BDP1: variants seen among roughly 807,000 people sequenced by gnomAD.
The protein encoded by BDP1 is BDP1 general transcription factor IIIB subunit, also known as transcription factor TFIIIB component B'' homolog.
BDP1 carries 169 observed loss-of-function variants against 266.6 expected under a neutral mutation model. The ratio of observed to expected loss-of-function variants is 0.63; its 90% confidence interval spans 0.56 to 0.72. The LOEUF (loss-of-function observed/expected upper bound fraction) is 0.72. Among genes scored for constraint, BDP1 ranks in the 30% least tolerant of loss-of-function variants. The probability of loss-of-function intolerance (pLI) is 0.00; values close to 1 mark genes in which losing one functional copy is unlikely to be tolerated. For missense variants in BDP1, 3,015 were observed against 3,053.8 expected (o/e 0.99, Z 0.30); for synonymous variants, 1,090 against 1,022.4 (o/e 1.07, Z -1.26).
intron 16 of BDP1, among the ~76,000 whole-genome samples, chr5:71,508,002 G>C (rs1452084121): frequency 6.6e-6 from 1 of 152,190 alleles, no homozygotes; most frequent in African/African-American, 2.4e-5. Context: ...GTCTTACTCT[G>C]TTGCCCAGGT....
At position 71,561,498 on chromosome 5, in the gene BDP1, A is replaced by G. The variant is rs553765215; in HGVS notation, c.7497-776A>G. Among the ~76,000 whole-genome samples the G allele has an allele frequency of 5.3e-5, 8 of 152,340 alleles. No individual in the cohort carries two copies. In the East Asian group the frequency reaches 1.3e-3, roughly 26 times the overall value. ...AACGGAAGTCAGCATTTTTTGTAAA[A>G]TGGCATTTGTATATATTTTAGGCTT... is the stretch of plus-strand genomic sequence containing the variant. On this transcript the variant is annotated intron_variant, in intron 37 of 38. Transcript: ENST00000358731.
intron 16 of BDP1, among the ~76,000 whole-genome samples, chr5:71,508,404 A>G (rs1036511624): frequency 6.6e-6 from 1 of 151,968 alleles, no homozygotes; most frequent in Non-Finnish European, 1.5e-5. Context: ...TCCTGGGCTC[A>G]GGTGATCCTC....
chr5:71,562,151 T>C (rs1743702517), intron 37 of BDP1, 123 bp from the exon 38 acceptor site: 8 of 897,890 alleles, frequency 8.9e-6, no homozygotes, highest in African/African-American at 1.9e-5. Context: ...TGAGCCGAGA[T>C]TGCGCCACTG....
chr5:71,484,359 T>C (rs1373581522), intron 8 of BDP1, among the ~76,000 whole-genome samples: 2 of 152,162 alleles, frequency 1.3e-5, no homozygotes, highest in Non-Finnish European at 2.9e-5. Flanking sequence ...CAGATGAGAA[T>C]CCTGCATTTA....
At chr5:71,546,549 CAG>C (rs919448376) in intron 32 of BDP1, among the ~76,000 whole-genome samples, 35 of 129,862 alleles carry the variant, frequency 2.7e-4, no homozygotes, top group Admixed American at 8.0e-4. Context: ...ACCCAGGAGA[CAG>C]AGGTTGCAGT....
intron 26 of BDP1, among the ~76,000 whole-genome samples, chr5:71,535,771 C>CA (rs1047207228): frequency 6.6e-6 from 1 of 152,136 alleles, no homozygotes; most frequent in Non-Finnish European, 1.5e-5. Flanking sequence ...CATGCAGCAG[C>CA]ATACTTCCAC....
Position 71,564,814 on chromosome 5 carries a change from C to G in BDP1, c.7804C>G (p.Gln2602Glu). ...TAAAAGTGCCCAAAAGCGGGCCCCTCAAGGGGAGGCAACCACAGTCTCTGA... is the reference window on the plus strand; with the variant it reads ...TAAAAGTGCCCAAAAGCGGGCCCCTGAAGGGGAGGCAACCACAGTCTCTGA... The part of the protein sequence containing the change: ...GYKSAQKRAP[Q>E]GEATTVSEYF... The change falls in exon 39 of 39, where the codon CAA (glutamine) becomes GAA (glutamate). Residue 2602 changes from glutamine (Q) to glutamate (E), a missense_variant. Transcript: ENST00000358731. The G allele has an allele frequency of 6.2e-7, 1 of 1,611,654 alleles. No homozygotes were observed. Among genetic ancestry groups the G allele is most frequent in the Non-Finnish European group, 8.5e-7 (1 of 1,179,686 alleles).
At chr5:71,530,284 G>C (rs1766155213) in intron 25 of BDP1, among the ~76,000 whole-genome samples, 1 of 151,716 alleles carries the variant, frequency 6.6e-6, no homozygotes, top group Non-Finnish European at 1.5e-5. Flanking sequence ...GCCCAGGCTG[G>C]AGTGCAGTGG....
At chr5:71,529,576 A>G (rs1766109612) in intron 25 of BDP1, among the ~76,000 whole-genome samples, 1 of 152,200 alleles carries the variant, frequency 6.6e-6, no homozygotes. Context: ...CTATAATCCC[A>G]GCTACTCAGA....
intron 17 of BDP1, among the ~76,000 whole-genome samples, chr5:71,512,038 G>A (rs1764949294): frequency 6.6e-6 from 1 of 151,432 alleles, no homozygotes; most frequent in African/African-American, 2.4e-5. Flanking sequence ...GACATTTGTG[G>A]TTTGGGAAAG....
chr5:71,487,114 T>C (rs1763305976), intron 9 of BDP1, among the ~76,000 whole-genome samples: 1 of 152,212 alleles, frequency 6.6e-6, no homozygotes, highest in Non-Finnish European at 1.5e-5. Flanking sequence ...TATGTTTTCT[T>C]AACTATTTGA....
intron 4 of BDP1, 22 bp from the exon 5 acceptor site, chr5:71,466,074 A>T: frequency 6.2e-7 from 1 of 1,609,552 alleles, no homozygotes; most frequent in Non-Finnish European, 8.5e-7. Context: ...TTTGTGAATT[A>T]ACTTATCTTT....
At chr5:71,484,229 T>C (rs1763124790) in intron 8 of BDP1, among the ~76,000 whole-genome samples, 1 of 152,180 alleles carries the variant, frequency 6.6e-6, no homozygotes, top group African/African-American at 2.4e-5. Context: ...CTATTAGTTA[T>C]ATAGATGGTT....
intron 7 of BDP1, among the ~76,000 whole-genome samples, chr5:71,481,211 A>C (rs868848222): frequency 1.4e-4 from 21 of 151,792 alleles, no homozygotes; most frequent in African/African-American, 5.1e-4. Flanking sequence ...GACATTGTGA[A>C]TGATGTGTTG....
At position 71,562,345 on chromosome 5, in the gene BDP1, T is replaced by G. The variant is rs1050555213; in HGVS notation, c.7568T>G (p.Met2523Arg). The part of the protein sequence containing the change: ...SKNSLESDEP[M>R]QVHSKKRLKP... ...AATAGTTTGGAGTCTGATGAACCTATGCAAGTCCATAGTAAGAAACGCCTA... is the reference window on the plus strand; with the variant it reads ...AATAGTTTGGAGTCTGATGAACCTAGGCAAGTCCATAGTAAGAAACGCCTA... The change falls in exon 38 of 39, where the codon ATG becomes AGG. Residue 2523 changes from methionine (M) to arginine (R), a missense_variant. Physicochemically the swap from Met to Arg is moderately conservative, Grantham distance 91 (BLOSUM62 -1). Coordinates refer to ENST00000358731, the MANE Select transcript of BDP1 (RefSeq NM_018429.3). 1.2e-6 allele frequency: 2 copies of G among 1,613,308 alleles called. No homozygotes were observed. Among genetic ancestry groups the G allele is most frequent in the Non-Finnish European group, 1.7e-6 (2 of 1,179,496 alleles).
chr5:71,544,904 AAAG>A, intron 31 of BDP1, 132 bp from the exon 32 acceptor site: 12 of 442,282 alleles, frequency 2.7e-5, no homozygotes, highest in South Asian at 7.2e-5. Flanking sequence ...AAAAAAAAAA[AAAG>A]TCCTATTGCA....
chr5:71,554,065 A>G lies in BDP1; in HGVS notation c.7200+745A>G, dbSNP rs571990372. Among the ~76,000 whole-genome samples the G allele has an allele frequency of 1.1e-4, 17 of 152,342 alleles. No individual in the cohort carries two copies. In the South Asian group the frequency reaches 3.3e-3, roughly 30 times the overall value. On this transcript the variant is annotated intron_variant, in intron 35 of 38. Transcript: ENST00000358731. Reference sequence around the variant, plus strand: ...ACTCATCATAATTTGTAACTACACTATGGAAAAGTCCTTTTAAAACCCGTG... The same window carrying G: ...ACTCATCATAATTTGTAACTACACTGTGGAAAAGTCCTTTTAAAACCCGTG...
intron 32 of BDP1, among the ~76,000 whole-genome samples, chr5:71,547,651 G>GT (rs1427429170): frequency 1.3e-4 from 20 of 152,162 alleles, no homozygotes. Flanking sequence ...CAAAATGAAA[G>GT]TTTTAAGATT....
intron 28 of BDP1, 74 bp downstream of exon 28, chr5:71,539,723 G>T: frequency 1.0e-6 from 1 of 960,962 alleles, no homozygotes. Context: ...ACCCACATTT[G>T]AGTAATAACC....
Sources: gnomAD v4.1 joint callset for allele counts (sites outside exome capture counted in the v4.1 genomes callset) on GRCh38, gnomAD v4.1.1 for gene constraint, MANE v1.5 for transcripts, NCBI Gene and HGNC (gene_info 2026-07-23, HGNC 2026-07-21) for gene names.